CALN1: variants seen among roughly 807,000 people sequenced by gnomAD.
CALN1 encodes calneuron 1, also known as calcium-binding protein 8.
In CALN1, 17 loss-of-function variants were observed where a neutral mutation model predicts 30.6. The ratio of observed to expected loss-of-function variants is 0.56; its 90% CI spans 0.38 to 0.83. The LOEUF (loss-of-function observed/expected upper bound fraction) is 0.83, where lower values mean the gene tolerates loss of function less well. CALN1 is among the 40% of genes least tolerant of loss of function. CALN1 has a pLI of 0.00. For missense variants in CALN1, 291 were observed against 354.9 expected, an observed-to-expected ratio of 0.82 and a Z score of 1.45; for synonymous variants, 156 against 131.4, an observed-to-expected ratio of 1.19 and a Z score of -1.28.
intron 6 of CALN1, among the ~76,000 whole-genome samples, chr7:71,791,574 G>C (rs1167444649): frequency 6.6e-6 from 1 of 152,116 alleles, no homozygotes; most frequent in South Asian, 2.1e-4. Flanking sequence ...GGAGGAGGGA[G>C]ACGAGCAGAA....
At chr7:72,047,482 G>A (rs146854563) in intron 4 of CALN1, among the ~76,000 whole-genome samples, 39 of 152,226 alleles carry the variant, frequency 2.6e-4, no homozygotes, top group African/African-American at 9.4e-4. Flanking sequence ...CCAGCTACTT[G>A]GGAGGCTGAG....
chr7:72,493,271 T>G, the CALN1 span, among the ~76,000 whole-genome samples: 1 of 152,186 alleles, frequency 6.6e-6, no homozygotes, highest in Non-Finnish European at 1.5e-5. Context: ...TGTAGTCTTT[T>G]ATGATGACTA....
intron 4 of CALN1, among the ~76,000 whole-genome samples, chr7:72,061,484 AT>A (rs1339615867): frequency 2.0e-5 from 3 of 152,118 alleles, no homozygotes; most frequent in African/African-American, 7.2e-5. Context: ...AAAGAAATAA[AT>A]GATATAAACA....
intron 5 of CALN1, among the ~76,000 whole-genome samples, chr7:71,950,823 C>G (rs1161430909): frequency 1.3e-5 from 2 of 152,178 alleles, no homozygotes; most frequent in Non-Finnish European, 2.9e-5. Context: ...GCTCTGGGAA[C>G]ATGCCAAGCT....
At chr7:71,956,836 A>T (rs1311921953) in intron 5 of CALN1, among the ~76,000 whole-genome samples, 1 of 152,090 alleles carries the variant, frequency 6.6e-6, no homozygotes, top group East Asian at 1.9e-4. Context: ...ATCTGGAATT[A>T]CAGGCACCCA....
intron 2 of CALN1, among the ~76,000 whole-genome samples, chr7:72,382,218 T>C (rs1397896384): frequency 6.6e-6 from 1 of 152,142 alleles, no homozygotes; most frequent in Non-Finnish European, 1.5e-5. Context: ...GTAATGGCTA[T>C]ATCCAGGGAG....
intron 5 of CALN1, among the ~76,000 whole-genome samples, chr7:71,948,876 TACAA>T (rs1160904147): frequency 6.6e-6 from 1 of 151,330 alleles, no homozygotes; most frequent in Non-Finnish European, 1.5e-5. Flanking sequence ...ACCCTGTCTT[TACAA>T]ACAAATTTAA....
intron 3 of CALN1, among the ~76,000 whole-genome samples, chr7:72,134,327 C>G (rs937609136): frequency 1.3e-5 from 2 of 152,154 alleles, no homozygotes; most frequent in African/African-American, 4.8e-5. Context: ...TTTGTTATAG[C>G]AGCTCCAAAG....
chr7:72,201,867 A>G (rs1791457858), intron 3 of CALN1, among the ~76,000 whole-genome samples: 1 of 152,158 alleles, frequency 6.6e-6, no homozygotes, highest in African/African-American at 2.4e-5. Flanking sequence ...ACATCACCCA[A>G]GAGGACAGAA....
At chr7:71,895,335 A>C (rs1793478634) in intron 5 of CALN1, among the ~76,000 whole-genome samples, 1 of 151,244 alleles carries the variant, frequency 6.6e-6, no homozygotes, top group Admixed American at 6.6e-5. Context: ...TTTGAGACAG[A>C]GTCTCGCTCT....
chr7:72,067,668 T>C (rs914349278), intron 4 of CALN1, among the ~76,000 whole-genome samples: 8 of 152,180 alleles, frequency 5.3e-5, no homozygotes, highest in Non-Finnish European at 1.0e-4. Context: ...GGGGAATCTG[T>C]CAATAAGTTA....
intron 3 of CALN1, among the ~76,000 whole-genome samples, chr7:72,200,647 C>T (rs542639457): frequency 1.3e-5 from 2 of 151,948 alleles, no homozygotes; most frequent in Admixed American, 6.6e-5. Context: ...ATGCTATGCC[C>T]CTGGGGGATG....
intron 5 of CALN1, among the ~76,000 whole-genome samples, chr7:71,824,028 A>G (rs1788762753): frequency 6.6e-6 from 1 of 152,060 alleles, no homozygotes; most frequent in African/African-American, 2.4e-5. Context: ...ACACGTGGGA[A>G]TTGTGGGAGC....
chr7:71,918,057 A>C (rs1330024357), intron 5 of CALN1, among the ~76,000 whole-genome samples: 1 of 152,206 alleles, frequency 6.6e-6, no homozygotes, highest in Non-Finnish European at 1.5e-5. Context: ...CTCATCTATA[A>C]AATTTGGATA....
chr7:72,410,019 G>T (rs1807004488), intron 1 of CALN1, among the ~76,000 whole-genome samples: 1 of 152,086 alleles, frequency 6.6e-6, no homozygotes, highest in South Asian at 2.1e-4. Flanking sequence ...ATTTATTTTT[G>T]TTATAACTGA....
At chr7:72,296,199 C>T (rs1293646973) in intron 2 of CALN1, among the ~76,000 whole-genome samples, 1 of 151,022 alleles carries the variant, frequency 6.6e-6, no homozygotes, top group Non-Finnish European at 1.5e-5. Context: ...AGCCTTGCAT[C>T]CCAGGGATGA....
At chr7:72,200,680 C>A (rs1195785999) in intron 3 of CALN1, among the ~76,000 whole-genome samples, 3 of 151,994 alleles carry the variant, frequency 2.0e-5, no homozygotes, top group African/African-American at 7.3e-5. Context: ...AAAAAAAACA[C>A]ACATGGAGAC....
intron 5 of CALN1, among the ~76,000 whole-genome samples, chr7:72,009,797 C>T (rs1188808943): frequency 2.0e-5 from 3 of 152,210 alleles, no homozygotes; most frequent in South Asian, 2.1e-4. Flanking sequence ...CCATGTAAGA[C>T]ATGCCTTTCA....
At chr7:72,159,603 G>A (rs1031226146) in intron 3 of CALN1, among the ~76,000 whole-genome samples, 6 of 152,014 alleles carry the variant, frequency 3.9e-5, no homozygotes, top group East Asian at 1.9e-4. Context: ...TTTGAGACCC[G>A]CCTGGCCAAC....
Sources: gnomAD v4.1 joint callset for allele counts (sites outside exome capture counted in the v4.1 genomes callset) on GRCh38, gnomAD v4.1.1 for gene constraint, MANE v1.5 for transcripts, NCBI Gene and HGNC (gene_info 2026-07-23, HGNC 2026-07-21) for gene names.